Variants in CCSER1 observed in about 807,000 individuals in gnomAD.
CCSER1 encodes the protein coiled-coil serine rich protein 1.
In CCSER1, 41 loss-of-function variants were observed where a neutral mutation model predicts 82.0. That is an observed-to-expected ratio of 0.50 (90% CI 0.39 to 0.65). CCSER1 has a LOEUF of 0.65. Among genes scored for constraint, CCSER1 ranks in the 30% least tolerant of loss-of-function variants. The pLI, the probability that CCSER1 is intolerant of heterozygous loss-of-function variation, is 0.00. For missense variants in CCSER1, 1,119 were observed against 1,064.2 expected (o/e 1.05, Z -0.72); for synonymous variants, 414 against 383.9 (o/e 1.08, Z -0.92).
chr4:90,420,494 G>A (rs1004031366), intron 4 of CCSER1, among the ~76,000 whole-genome samples: 2 of 152,010 alleles, frequency 1.3e-5, no homozygotes, highest in African/African-American at 4.8e-5. Flanking sequence ...TAGTAAGATG[G>A]CAATTATTTG....
chr4:90,491,815 A>C (rs1768067987), intron 5 of CCSER1, among the ~76,000 whole-genome samples: 1 of 152,164 alleles, frequency 6.6e-6, no homozygotes, highest in Non-Finnish European at 1.5e-5. Flanking sequence ...ATGCTGGATT[A>C]AGTTTATTGA....
intron 10 of CCSER1, among the ~76,000 whole-genome samples, chr4:91,450,375 T>A (rs77147788): frequency 0.011 from 1,676 of 152,176 alleles, 54 homozygotes; most frequent in Admixed American, 0.065. Context: ...CTTTATCAAC[T>A]ATAAAACCTT....
At chr4:90,843,536 T>G (rs1434433466) in intron 8 of CCSER1, among the ~76,000 whole-genome samples, 1 of 152,208 alleles carries the variant, frequency 6.6e-6, no homozygotes, top group Non-Finnish European at 1.5e-5. Context: ...TTAATTTTTT[T>G]CCTATCTCAA....
At chr4:90,472,997 C>T (rs1764597182) in intron 5 of CCSER1, among the ~76,000 whole-genome samples, 1 of 152,058 alleles carries the variant, frequency 6.6e-6, no homozygotes, top group Admixed American at 6.6e-5. Flanking sequence ...AAATAATGGG[C>T]ACACATGGAC....
At chr4:91,550,212 G>T (rs951802326) in intron 10 of CCSER1, among the ~76,000 whole-genome samples, 1 of 152,126 alleles carries the variant, frequency 6.6e-6, no homozygotes, top group Non-Finnish European at 1.5e-5. Context: ...CCCTCCTCTT[G>T]CTGGAAGCAA....
intron 10 of CCSER1, among the ~76,000 whole-genome samples, chr4:91,266,479 C>G (rs967342999): frequency 6.6e-6 from 1 of 151,972 alleles, no homozygotes; most frequent in East Asian, 1.9e-4. Context: ...TCTCGATCTC[C>G]TGATGTCGTG....
At chr4:91,025,108 G>T (rs189497189) in intron 9 of CCSER1, among the ~76,000 whole-genome samples, 2 of 152,224 alleles carry the variant, frequency 1.3e-5, no homozygotes, top group East Asian at 3.9e-4. Flanking sequence ...CAAAGCCTTT[G>T]TAGGAGCATG....
At chr4:90,953,505 A>G (rs913092398) in intron 9 of CCSER1, among the ~76,000 whole-genome samples, 64 of 151,602 alleles carry the variant, frequency 4.2e-4, no homozygotes, top group African/African-American at 1.5e-3. Flanking sequence ...TTTTAGATAT[A>G]CAATTATTTT....
chr4:90,433,815 C>T (rs1758632013), intron 4 of CCSER1, among the ~76,000 whole-genome samples: 1 of 151,718 alleles, frequency 6.6e-6, no homozygotes, highest in Admixed American at 6.6e-5. Flanking sequence ...CTTAGGACAG[C>T]ACATATAATG....
intron 1 of CCSER1, among the ~76,000 whole-genome samples, chr4:90,285,618 T>A (rs1252092105): frequency 6.6e-6 from 1 of 152,092 alleles, no homozygotes; most frequent in Non-Finnish European, 1.5e-5. Context: ...CTTTCCAATA[T>A]GGTTGCCCTT....
In CCSER1 at chr4:90,616,729, ACACACACAC is replaced by A. The variant is rs1218936961; in HGVS notation, c.1725-11295_1725-11287del. 2.2e-3 allele frequency among the ~76,000 whole-genome samples: 192 copies of A among 88,062 alleles called. 1 individual carries two copies. Among genetic ancestry groups the A allele is most frequent in the South Asian group, 0.012 (35 of 2,892 alleles). 57.8% of individuals were successfully genotyped at this position (88,062 alleles called of 152,430 possible). A position where few individuals can be genotyped will look rare whatever the true frequency, so the allele number is the denominator to read the frequency against. On this transcript the variant is annotated intron_variant, in intron 5 of 10. Transcript: ENST00000509176. ...CACACACACACACACACACACACAC[ACACACACAC>A]AAATAAAATAAAATAAAAGGGAGAG...
chr4:90,285,151 A>G (rs1336024769), intron 1 of CCSER1, among the ~76,000 whole-genome samples: 2 of 151,984 alleles, frequency 1.3e-5, no homozygotes, highest in Non-Finnish European at 2.9e-5. Context: ...GGTTCAATAT[A>G]AATTTTAATT....
chr4:91,128,715 G>GC lies in CCSER1; in HGVS notation c.2217+42723dup, dbSNP rs1727729121. ...ACAGAAGACACATAGAAGTGAAAGG[G>GC]CCTGTGACTCTGAGTTTATGAATGT... On this transcript the variant is annotated intron_variant, in intron 10 of 10. Coordinates refer to ENST00000509176, the MANE Select transcript of CCSER1 (RefSeq NM_001145065.2). 3.3e-5 allele frequency among the ~76,000 whole-genome samples: 5 copies of GC among 152,108 alleles called. No individual in the cohort carries two copies. In the South Asian group the frequency reaches 1.0e-3, roughly 32 times the overall value.
At chr4:91,517,226 A>G (rs1010572793) in intron 10 of CCSER1, among the ~76,000 whole-genome samples, 1 of 152,118 alleles carries the variant, frequency 6.6e-6, no homozygotes, top group Non-Finnish European at 1.5e-5. Context: ...TAGAAATTCC[A>G]TACCATGTTT....
At chr4:90,642,987 C>A (rs1235802847) in intron 6 of CCSER1, among the ~76,000 whole-genome samples, 2 of 150,982 alleles carry the variant, frequency 1.3e-5, no homozygotes, top group Non-Finnish European at 2.9e-5. Context: ...AAGATAAATA[C>A]GTGTGAACAT....
rs114915988 is a variant in CCSER1 at position 91,287,160 on chromosome 4, C to A, written c.2217+201166C>A. Among the ~76,000 whole-genome samples the A allele has an allele frequency of 4.0e-3, 609 of 151,716 alleles. 2 individuals are homozygous for A. The highest frequency in any genetic ancestry group is 0.014 in the African/African-American group (600 of 41,456). On this transcript the variant is annotated intron_variant, in intron 10 of 10. Transcript: ENST00000509176. ...GTCAAGTTTTTTTCCTACTAAAGAG[C>A]AATTTTTAAATTCAGAATTCATGAA...
chr4:91,383,877 T>C (rs184746409), intron 10 of CCSER1, among the ~76,000 whole-genome samples: 28 of 152,326 alleles, frequency 1.8e-4, no homozygotes, highest in Non-Finnish European at 4.0e-4. Flanking sequence ...ATAAAGTGTT[T>C]TCACTTTTGT....
intron 10 of CCSER1, among the ~76,000 whole-genome samples, chr4:91,127,170 T>C (rs1727592336): frequency 6.6e-6 from 1 of 152,044 alleles, no homozygotes; most frequent in Admixed American, 6.6e-5. Flanking sequence ...AATTTGAATC[T>C]GTAAATACTC....
At chr4:91,472,078 T>G (rs1757314253) in intron 10 of CCSER1, among the ~76,000 whole-genome samples, 1 of 152,256 alleles carries the variant, frequency 6.6e-6, no homozygotes, top group Admixed American at 6.5e-5. Context: ...TTGGCACACA[T>G]GAAAAGAGGT....
Sources: gnomAD v4.1 joint callset for allele counts (sites outside exome capture counted in the v4.1 genomes callset) on GRCh38, gnomAD v4.1.1 for gene constraint, MANE v1.5 for transcripts, NCBI Gene and HGNC (gene_info 2026-07-23, HGNC 2026-07-21) for gene names.